The following MCF2L variants were observed in gnomAD, a reference collection of about 807,000 sequenced individuals.
MCF2L encodes MCF.2 cell line derived transforming sequence like.
MCF2L carries 97 observed loss-of-function variants against 153.4 expected under a neutral mutation model. The observed-to-expected ratio is 0.63, with a 90% CI of 0.54 to 0.75. The LOEUF (loss-of-function observed/expected upper bound fraction) is 0.75. MCF2L is among the 30% of genes least tolerant of loss of function. MCF2L has a pLI of 0.00. For synonymous variants in MCF2L, 659 were observed against 632.2 expected (o/e 1.04, Z -0.64); for missense variants, 1,347 against 1,495.2 (o/e 0.90, Z 1.64).
intron 1 of MCF2L, 78 bp from the exon 2 acceptor site, chr13:113,014,685 C>T (rs988848992): frequency 5.7e-6 from 7 of 1,233,720 alleles, no homozygotes; most frequent in East Asian, 2.4e-5. Flanking sequence ...GTGCCAGCTC[C>T]GTGTGGGATC....
At position 113,035,085 on chromosome 13, in the gene MCF2L, C is replaced by G. The variant is rs750419409; in HGVS notation, c.279-10186C>G. ...GGTTCCTGTCCACGTTCAGCACCCCCGTGCAGACCTCACCATTCCCGACGG... is the reference window on the plus strand; with the variant it reads ...GGTTCCTGTCCACGTTCAGCACCCCGGTGCAGACCTCACCATTCCCGACGG... On this transcript the variant is annotated intron_variant, in intron 3 of 29. Coordinates refer to ENST00000535094, the MANE Select transcript of MCF2L (RefSeq NM_001112732.3). The surrounding 1 kb of genome is among the most constrained non-coding windows in gnomAD (Gnocchi z 4.4). Among the ~76,000 whole-genome samples the G allele has an allele frequency of 5.3e-5, 8 of 152,222 alleles. No homozygotes were observed. The highest frequency in any genetic ancestry group is 1.2e-4 in the Non-Finnish European group (8 of 68,038).
At chr13:112,992,080 G>A (rs564699123) in intron 1 of MCF2L, among the ~76,000 whole-genome samples, 111 of 152,274 alleles carry the variant, frequency 7.3e-4, no homozygotes, top group African/African-American at 2.5e-3. Flanking sequence ...CACCTGACCC[G>A]ACAGTCACAG....
chr13:112,915,951 C>T (rs915343028), intron 2 of MCF2L, among the ~76,000 whole-genome samples: 4 of 151,870 alleles, frequency 2.6e-5, no homozygotes, highest in Non-Finnish European at 4.4e-5. Flanking sequence ...GTAATCCCAG[C>T]ACTTTGGGAG....
Position 113,070,221 on chromosome 13 carries a change from C to T in MCF2L, c.996+48C>T, listed in dbSNP as rs377096558. 1.8e-5 allele frequency: 23 copies of T among 1,289,028 alleles called. No individual in the cohort carries two copies. Among genetic ancestry groups the T allele is most frequent in the Non-Finnish European group, 2.2e-5 (21 of 940,364 alleles). 79.8% of individuals were successfully genotyped at this position (1,289,028 alleles called of 1,614,324 possible). ...GGCAGCCGCCCTGATGCTCACGGGG[C>T]CTCCTGTGCCTGCGCCCTGGTCCCA... On this transcript the variant is annotated intron_variant, in intron 9 of 29. Coordinates refer to ENST00000535094, the MANE Select transcript of MCF2L (RefSeq NM_001112732.3). This position sits in a 1 kb window ranked among gnomAD's most constrained non-coding sequence, Gnocchi z 5.6.
intron 3 of MCF2L, among the ~76,000 whole-genome samples, chr13:113,029,805 T>G (rs2085536758): frequency 6.6e-6 from 1 of 152,178 alleles, no homozygotes; most frequent in African/African-American, 2.4e-5. Context: ...GCACGCAGTT[T>G]CCAGACAGCT....
At chr13:113,013,276 G>A (rs952563331) in intron 1 of MCF2L, among the ~76,000 whole-genome samples, 1 of 152,184 alleles carries the variant, frequency 6.6e-6, no homozygotes, top group Non-Finnish European at 1.5e-5. Flanking sequence ...AGCCATCGCC[G>A]AGACGTGGTT....
chr13:113,078,293 C>T (rs1021956682), intron 13 of MCF2L, 70 bp from the exon 14 acceptor site: 13 of 1,303,466 alleles, frequency 1.0e-5, no homozygotes, highest in Admixed American at 7.0e-5. Flanking sequence ...GGCCTTTTCC[C>T]GCTGGGTGCA....
chr13:112,974,728 G>A (rs2082158931), intron 1 of MCF2L, among the ~76,000 whole-genome samples: 1 of 152,130 alleles, frequency 6.6e-6, no homozygotes, highest in Middle Eastern at 3.2e-3. Context: ...TAAAAAACAA[G>A]GCATAAGCAT....
In MCF2L at chr13:112,978,324, A is replaced by C. The variant is rs2082283197; in HGVS notation, c.79+8866A>C. ...CAGACAGCAAGCGTCCAGCTGCTTC[A>C]GGGGACGGCAGCCTTGGGACCACCT... is the stretch of plus-strand genomic sequence containing the variant. On this transcript the variant is annotated intron_variant, in intron 1 of 29. Coordinates refer to ENST00000535094, the MANE Select transcript of MCF2L (RefSeq NM_001112732.3). Among the ~76,000 whole-genome samples the C allele has an allele frequency of 2.0e-5, 3 of 152,196 alleles. No individual in the cohort carries two copies. In the South Asian group the frequency reaches 6.2e-4, roughly 32 times the overall value.
At chr13:113,006,806 A>C (rs978268010) in intron 1 of MCF2L, among the ~76,000 whole-genome samples, 7 of 152,320 alleles carry the variant, frequency 4.6e-5, no homozygotes, top group Non-Finnish European at 7.4e-5. Context: ...CTGGCCCAGG[A>C]GGCTCGGCCT....
At chr13:113,002,034 G>A (rs971375689) in intron 1 of MCF2L, 11 of 1,494,494 alleles carry the variant, frequency 7.4e-6, no homozygotes, top group African/African-American at 5.6e-5. Flanking sequence ...GTTGTGGGGC[G>A]ACAGTGCGGG....
At chr13:112,899,438 G>A (rs1173084922) in intron 1 of MCF2L, among the ~76,000 whole-genome samples, 6 of 152,310 alleles carry the variant, frequency 3.9e-5, no homozygotes, top group South Asian at 4.2e-4. Context: ...ACAGGACTGC[G>A]TCTGGCTTCA....
At chr13:112,900,131 A>T (rs1466669932) in intron 1 of MCF2L, among the ~76,000 whole-genome samples, 1 of 152,150 alleles carries the variant, frequency 6.6e-6, no homozygotes, top group Non-Finnish European at 1.5e-5. Flanking sequence ...TTCTCTGAGG[A>T]GAATTTGGAA....
chr13:113,065,210 A>T, intron 7 of MCF2L, 125 bp downstream of exon 7: 1 of 1,156,066 alleles, frequency 8.7e-7, no homozygotes, highest in South Asian at 1.4e-5. Flanking sequence ...AGCAGCACGT[A>T]AGACCAAGAA....
chr13:113,023,616 C>T (rs1453387502), intron 2 of MCF2L, among the ~76,000 whole-genome samples: 6 of 152,182 alleles, frequency 3.9e-5, no homozygotes, highest in Non-Finnish European at 7.3e-5. Flanking sequence ...TATCTGTTCT[C>T]CATAAAAAGC....
chr13:112,963,057 AG>A (rs1307127540), intron 2 of MCF2L, among the ~76,000 whole-genome samples: 2 of 152,108 alleles, frequency 1.3e-5, no homozygotes, highest in East Asian at 1.9e-4. Context: ...AGGTGGACGA[AG>A]GGGTTCTGGA....
intron 2 of MCF2L, chr13:112,957,001 C>T (rs898753595): frequency 7.9e-5 from 12 of 152,192 alleles, no homozygotes; most frequent in African/African-American, 2.7e-4. Flanking sequence ...TTCTGCCCAC[C>T]TCATGGCTGC....
In MCF2L at chr13:113,021,655, G is replaced by A. The variant is rs961360264; in HGVS notation, c.164-2989G>A. 2.6e-5 allele frequency among the ~76,000 whole-genome samples: 4 copies of A among 152,230 alleles called. No homozygotes were observed. In the East Asian group the frequency reaches 5.8e-4, roughly 22 times the overall value. On this transcript the variant is annotated intron_variant, in intron 2 of 29. Transcript: ENST00000535094. ...GCCTGTTCTTGGTGCCATTGGCCCC[G>A]GGTCCTGGCACTGCCCACCTTGGTG...
chr13:113,018,648 A>G (rs9577423), intron 2 of MCF2L, among the ~76,000 whole-genome samples: 30,253 of 152,054 alleles, frequency 0.2, 3,374 homozygotes, highest in East Asian at 0.29. Flanking sequence ...TAGAAAAGAT[A>G]CTTCAACTTG....
Sources: gnomAD v4.1 joint callset for allele counts (sites outside exome capture counted in the v4.1 genomes callset) on GRCh38, gnomAD v4.1.1 for gene constraint, Gnocchi (gnomAD v3.1) non-coding constraint, MANE v1.5 for transcripts, NCBI Gene and HGNC (gene_info 2026-07-23, HGNC 2026-07-21) for gene names.